MSRA: variants seen among roughly 807,000 people sequenced by gnomAD.
MSRA encodes mitochondrial peptide methionine sulfoxide reductase.
Under a neutral mutation model 31.3 loss-of-function variants are expected in MSRA, and 54 were observed. The ratio of observed to expected loss-of-function variants is 1.73; its 90% CI spans 1.39 to 2.17. The LOEUF (loss-of-function observed/expected upper bound fraction) is 2.17. Ranked by LOEUF, MSRA falls within the 30% of genes most tolerant of loss-of-function variation. MSRA has a pLI of 0.00. For missense variants in MSRA, 507 were observed against 300.9 expected (o/e 1.69, Z -5.07); for synonymous variants, 169 against 116.5 (o/e 1.45, Z -2.90).
intron 4 of MSRA, among the ~76,000 whole-genome samples, chr8:10,306,050 G>A (rs1209285571): frequency 6.6e-6 from 1 of 152,114 alleles, no homozygotes; most frequent in African/African-American, 2.4e-5. Context: ...AGTTCCTTTA[G>A]GCTTCTGAGG....
rs1282532301 is a variant in MSRA at position 10,083,486 on chromosome 8, T to G, written c.142+28828T>G. On this transcript the variant is annotated intron_variant, in intron 1 of 5. Transcript: ENST00000317173. Reference sequence around the variant, plus strand: ...GAAATATTTGATATCCACGGAAATCTATTGATGCACTTAAAGTTTTTCTCC... The same window carrying G: ...GAAATATTTGATATCCACGGAAATCGATTGATGCACTTAAAGTTTTTCTCC... 2.6e-5 allele frequency among the ~76,000 whole-genome samples: 4 copies of G among 152,234 alleles called. No homozygotes were observed. In the East Asian group the frequency reaches 7.7e-4, roughly 29 times the overall value.
At chr8:10,292,384 A>G (rs942892799) in intron 3 of MSRA, among the ~76,000 whole-genome samples, 4 of 152,358 alleles carry the variant, frequency 2.6e-5, no homozygotes, top group South Asian at 2.1e-4. Context: ...CACTAAGCAC[A>G]TACTTGTAAG....
At chr8:10,343,050 C>G (rs746349265) in intron 5 of MSRA, among the ~76,000 whole-genome samples, 2,035 of 73,084 alleles carry the variant, frequency 0.028, 12 homozygotes, top group South Asian at 0.08. Flanking sequence ...CACACACACA[C>G]ACAGACACAC....
intron 1 of MSRA, among the ~76,000 whole-genome samples, chr8:10,080,057 C>T (rs948329173): frequency 6.6e-6 from 1 of 152,200 alleles, no homozygotes; most frequent in Non-Finnish European, 1.5e-5. Context: ...GAACTCTAAG[C>T]CACGCTTCTT....
At chr8:10,059,552 G>A (rs1236471977) in intron 1 of MSRA, among the ~76,000 whole-genome samples, 1 of 152,034 alleles carries the variant, frequency 6.6e-6, no homozygotes. Context: ...TTATAATCTG[G>A]GTGTGAGGAA....
chr8:10,116,831 G>C (rs1268798636), intron 1 of MSRA, among the ~76,000 whole-genome samples: 1 of 152,186 alleles, frequency 6.6e-6, no homozygotes, highest in Non-Finnish European at 1.5e-5. Flanking sequence ...GTCGGGCGTG[G>C]TGGCAGATGC....
intron 1 of MSRA, among the ~76,000 whole-genome samples, chr8:10,074,356 A>C (rs888380008): frequency 1.3e-5 from 2 of 151,950 alleles, no homozygotes; most frequent in Admixed American, 6.6e-5. Flanking sequence ...TGCTGGGATT[A>C]CAGGTGTGAG....
intron 3 of MSRA, among the ~76,000 whole-genome samples, chr8:10,253,062 C>A (rs1378373427): frequency 6.6e-6 from 1 of 152,182 alleles, no homozygotes; most frequent in East Asian, 1.9e-4. Flanking sequence ...CATTAGACAT[C>A]AGAGAGGGTG....
chr8:10,242,129 G>A (rs1387710074), intron 2 of MSRA, among the ~76,000 whole-genome samples: 2 of 152,054 alleles, frequency 1.3e-5, no homozygotes, highest in African/African-American at 2.4e-5. Flanking sequence ...GAATTAGCCG[G>A]GCATGGTAGT....
At chr8:10,154,133 T>A (rs1472033468) in intron 1 of MSRA, among the ~76,000 whole-genome samples, 1 of 152,192 alleles carries the variant, frequency 6.6e-6, no homozygotes, top group Non-Finnish European at 1.5e-5. Context: ...GAAAGTAGAA[T>A]GCAAGGGTGG....
chr8:10,289,027 A>AT (rs1367412374), intron 3 of MSRA, among the ~76,000 whole-genome samples: 2 of 137,384 alleles, frequency 1.5e-5, no homozygotes, highest in Non-Finnish European at 3.2e-5. Flanking sequence ...ACTTTATCTT[A>AT]TTTTTTTGAA....
At chr8:10,125,413 G>A (rs1447943954) in intron 1 of MSRA, among the ~76,000 whole-genome samples, 1 of 152,178 alleles carries the variant, frequency 6.6e-6, no homozygotes, top group Non-Finnish European at 1.5e-5. Flanking sequence ...GTTAGCTATG[G>A]AGAAGAAGAG....
intron 3 of MSRA, among the ~76,000 whole-genome samples, chr8:10,285,756 TG>T (rs1275147926): frequency 6.6e-6 from 1 of 152,178 alleles, no homozygotes; most frequent in East Asian, 1.9e-4. Flanking sequence ...TATCTTCCTA[TG>T]CCTGGATTGT....
intron 3 of MSRA, among the ~76,000 whole-genome samples, chr8:10,260,831 C>G (rs780978094): frequency 6.6e-6 from 1 of 152,162 alleles, no homozygotes; most frequent in Non-Finnish European, 1.5e-5. Flanking sequence ...TTAATTATGT[C>G]ACTTCTGAAT....
At chr8:10,203,630 G>T in intron 1 of MSRA, among the ~76,000 whole-genome samples, 1 of 152,190 alleles carries the variant, frequency 6.6e-6, no homozygotes, top group East Asian at 1.9e-4. Flanking sequence ...ATTCGATAAT[G>T]TATAGTACAT....
chr8:10,192,318 G>A (rs914007070), intron 1 of MSRA, among the ~76,000 whole-genome samples: 6 of 152,164 alleles, frequency 3.9e-5, no homozygotes, highest in Non-Finnish European at 5.9e-5. Context: ...AGAACCAGGG[G>A]AGGATCTGCT....
intron 5 of MSRA, among the ~76,000 whole-genome samples, chr8:10,344,574 C>CAAAAAAAA (rs56843505): frequency 1.5e-5 from 1 of 64,610 alleles, no homozygotes; most frequent in African/African-American, 7.4e-5. Context: ...GACTCCGTCT[C>CAAAAAAAA]AAAAAAAAAA....
chr8:10,190,876 C>T (rs1405555440), intron 1 of MSRA, among the ~76,000 whole-genome samples: 1 of 152,100 alleles, frequency 6.6e-6, no homozygotes, highest in Non-Finnish European at 1.5e-5. Flanking sequence ...TTGCCAGGGA[C>T]TTAACTAAAA....
chr8:10,420,574 A>C (rs1378790737), intron 5 of MSRA, among the ~76,000 whole-genome samples: 1 of 152,042 alleles, frequency 6.6e-6, no homozygotes, highest in East Asian at 1.9e-4. Context: ...CACAGCTAGG[A>C]TGATGCGGGC....
Sources: allele counts gnomAD v4.1 joint callset (sites outside exome capture counted in the v4.1 genomes callset), GRCh38; gene constraint gnomAD v4.1.1; transcripts MANE v1.5; gene names NCBI Gene and HGNC (gene_info 2026-07-23, HGNC 2026-07-21).